Variants in ACTG2 observed in about 807,000 individuals in gnomAD.
The protein encoded by ACTG2 is actin, gamma-enteric smooth muscle.
Under a neutral mutation model 37.6 loss-of-function variants are expected in ACTG2, and 16 were observed. The observed-to-expected ratio is 0.43, with a 90% CI of 0.29 to 0.65. The LOEUF is 0.65. Among genes scored for constraint, ACTG2 ranks in the 30% least tolerant of loss-of-function variants. The pLI, the probability that ACTG2 is intolerant of heterozygous loss-of-function variation, is 0.18. For synonymous variants in ACTG2, 181 were observed against 179.9 expected, an observed-to-expected ratio of 1.01 and a Z score of -0.05; for missense variants, 238 against 490.9, an observed-to-expected ratio of 0.48 and a Z score of 4.87.
chr2:73,911,166 G>A (rs1275136933), intron 5 of ACTG2, among the ~76,000 whole-genome samples: 3 of 152,122 alleles, frequency 2.0e-5, no homozygotes, highest in African/African-American at 7.2e-5. Context: ...TATTTAATAA[G>A]TAGAAGGAGT....
intron 2 of ACTG2, chr2:73,901,867 C>A: frequency 5.2e-6 from 1 of 194,012 alleles, no homozygotes; most frequent in Admixed American, 5.5e-5. Flanking sequence ...AGATCATGGG[C>A]TGTAATAGAG....
intron 1 of ACTG2, among the ~76,000 whole-genome samples, chr2:73,897,932 T>C (rs1357193083): frequency 6.6e-6 from 1 of 152,222 alleles, no homozygotes; most frequent in Non-Finnish European, 1.5e-5. Flanking sequence ...AGAACCCTGC[T>C]GTTAAAATTG....
intron 1 of ACTG2, among the ~76,000 whole-genome samples, chr2:73,898,371 T>TTTTTTTTTTTTTTTTTTTTTTTTTTTG (rs1679798255): frequency 7.5e-6 from 1 of 133,804 alleles, no homozygotes; most frequent in Non-Finnish European, 1.7e-5. Flanking sequence ...TCTATTGTAT[T>TTTTTTTTTTTTTTTTTTTTTTTTTTTG]AAATATTTCA....
intron 5 of ACTG2, among the ~76,000 whole-genome samples, chr2:73,912,492 C>T (rs966049788): frequency 4.6e-5 from 7 of 152,130 alleles, no homozygotes; most frequent in African/African-American, 1.4e-4. Context: ...TTAATAGCCA[C>T]GTGGTAGTCG....
intron 5 of ACTG2, among the ~76,000 whole-genome samples, chr2:73,911,867 A>G (rs1680147393): frequency 1.3e-5 from 2 of 152,234 alleles, no homozygotes; most frequent in Non-Finnish European, 2.9e-5. Flanking sequence ...TTTAATAGGA[A>G]CTTGACAGCT....
At chr2:73,902,041 C>CTGTGTGTGTG (rs34360898) in intron 2 of ACTG2, among the ~76,000 whole-genome samples, 2 of 131,286 alleles carry the variant, frequency 1.5e-5, no homozygotes, top group African/African-American at 6.0e-5. Flanking sequence ...GTGTGTGTGT[C>CTGTGTGTGTG]TGTGTGTGTG....
At chr2:73,907,164 CT>C (rs1469110870) in intron 3 of ACTG2, among the ~76,000 whole-genome samples, 1 of 152,156 alleles carries the variant, frequency 6.6e-6, no homozygotes, top group Non-Finnish European at 1.5e-5. Flanking sequence ...TAAAATGTGG[CT>C]TGTGTTTTTC....
At chr2:73,893,895 G>A (rs1175913426) in intron 1 of ACTG2, among the ~76,000 whole-genome samples, 2 of 152,170 alleles carry the variant, frequency 1.3e-5, no homozygotes, top group Non-Finnish European at 2.9e-5. Flanking sequence ...GAATTCACTA[G>A]CATCTCTTCA....
chr2:73,914,608 A>G (rs1680220906), intron 6 of ACTG2, 72 bp from the exon 7 acceptor site: 2 of 1,236,846 alleles, frequency 1.6e-6, no homozygotes, highest in East Asian at 2.7e-5. Flanking sequence ...GGAGGTTTTC[A>G]TGGAGATCAA....
At chr2:73,893,578 G>A (rs1679677246) in intron 1 of ACTG2, among the ~76,000 whole-genome samples, 1 of 152,192 alleles carries the variant, frequency 6.6e-6, no homozygotes, top group South Asian at 2.1e-4. Context: ...CTTGGCTGAG[G>A]AGAATGGAGG....
intron 1 of ACTG2, among the ~76,000 whole-genome samples, chr2:73,894,030 G>GC (rs1442597422): frequency 6.6e-6 from 1 of 152,088 alleles, no homozygotes; most frequent in Non-Finnish European, 1.5e-5. Context: ...TATCTACTTG[G>GC]CGATGGTGTG....
At chr2:73,916,519 A>G (rs1283183528) in intron 7 of ACTG2, 65 bp from the exon 8 acceptor site, 8 of 1,440,312 alleles carry the variant, frequency 5.6e-6, no homozygotes, top group Non-Finnish European at 7.6e-6. Flanking sequence ...GGGTCATTTG[A>G]GGAGCTGGAG....
At chr2:73,916,423 G>A (rs1680268622) in intron 7 of ACTG2, among the ~76,000 whole-genome samples, 161 bp from the exon 8 acceptor site, 1 of 151,650 alleles carries the variant, frequency 6.6e-6, no homozygotes, top group African/African-American at 2.4e-5. Flanking sequence ...TAAAGGAAAG[G>A]CCATGACAAG....
chr2:73,894,061 G>C (rs1022691917), intron 1 of ACTG2, among the ~76,000 whole-genome samples: 3 of 152,138 alleles, frequency 2.0e-5, no homozygotes, highest in African/African-American at 7.2e-5. Flanking sequence ...GAGAGAATGC[G>C]TATATACAGC....
At chr2:73,902,965 G>A in intron 3 of ACTG2, 2 of 563,670 alleles carry the variant, frequency 3.5e-6, no homozygotes, top group South Asian at 4.5e-5. Flanking sequence ...GAGGCAAACA[G>A]CCATCTCTCT....
At position 73,914,864 on chromosome 2, in the gene ACTG2, C is replaced by T; in HGVS notation, c.798C>T (p.Ser266=). The T allele has an allele frequency of 6.3e-7, 1 of 1,581,048 alleles. No individual in the cohort carries two copies. The highest frequency in any genetic ancestry group is 1.3e-5 in the African/African-American group (1 of 74,188). ...GCCCTGAGACCCTCTTCCAGCCTTC[C>T]TTTATTGGTGAGGTGCTGCCCACAG... ...FRCPETLFQP[S]FIGMESAGIH... is the part of the protein sequence containing the mutation. The change falls in exon 7 of 9, where the codon TCC becomes TCT. Residue 266 remains serine, a synonymous_variant. Coordinates refer to ENST00000345517, the MANE Select transcript of ACTG2 (RefSeq NM_001615.4).
At chr2:73,914,646 A>C in intron 6 of ACTG2, 34 bp from the exon 7 acceptor site, 1 of 1,482,062 alleles carries the variant, frequency 6.7e-7, no homozygotes, top group Non-Finnish European at 9.0e-7. Flanking sequence ...ATCAGAGCTC[A>C]GTATTCACCT....
intron 1 of ACTG2, chr2:73,897,096 G>A (rs964605440): frequency 2.9e-4 from 44 of 152,164 alleles, no homozygotes; most frequent in African/African-American, 9.4e-4. Context: ...CCCTCACTTC[G>A]GTTGAGTTTT....
At chr2:73,906,361 G>C (rs1680015152) in intron 3 of ACTG2, among the ~76,000 whole-genome samples, 2 of 152,064 alleles carry the variant, frequency 1.3e-5, no homozygotes. Flanking sequence ...TGACGCAGGA[G>C]AATGCCGTGA....
Sources: allele counts gnomAD v4.1 joint callset (sites outside exome capture counted in the v4.1 genomes callset), GRCh38; gene constraint gnomAD v4.1.1; transcripts MANE v1.5; gene names NCBI Gene and HGNC (gene_info 2026-07-23, HGNC 2026-07-21).